MBTD1: variants seen among roughly 807,000 people sequenced by gnomAD.
The protein encoded by MBTD1 is MBT domain-containing protein 1.
Under a neutral mutation model 87.8 loss-of-function variants are expected in MBTD1, and 24 were observed. The observed-to-expected ratio is 0.27, with a 90% CI of 0.20 to 0.38. The LOEUF is 0.38. Ranked by LOEUF, MBTD1 falls within the 10% of genes least tolerant of loss-of-function variation. The pLI is 1.00. For missense variants in MBTD1, 436 were observed against 760.2 expected (o/e 0.57, Z 5.02); for synonymous variants, 237 against 248.6 (o/e 0.95, Z 0.44).
Position 51,223,844 on chromosome 17 carries a change from A to C in MBTD1, c.154+1164T>G, listed in dbSNP as rs183813174. Among the ~76,000 whole-genome samples the C allele has an allele frequency of 5.9e-5, 9 of 152,286 alleles. No homozygotes were observed. In the East Asian group the frequency reaches 1.7e-3, roughly 29 times the overall value. ...GAGTGAGACTGTCTCAACAACAACA[A>C]CAACAATTTCTAAGACTGAAAGTTA... On this transcript the variant is annotated intron_variant, in intron 3 of 16. Transcript: ENST00000586178.
intron 16 of MBTD1, chr17:51,185,589 G>C (rs1256734943): frequency 6.6e-6 from 1 of 152,070 alleles, no homozygotes; most frequent in African/African-American, 2.4e-5. Flanking sequence ...AATTAAACTA[G>C]AACTCAAAAC....
rs1231992129 is a variant in MBTD1, at chr17:51,213,057, G to T, written c.486+4277C>A. Among the ~76,000 whole-genome samples the T allele has an allele frequency of 3.3e-5, 5 of 151,298 alleles. No individual in the cohort carries two copies. The East Asian group carries it at 7.8e-4, about 24-fold the overall frequency. ...GAGCATATATTTTTATTTATTTTTT[G>T]AGACAGTGTCTCATTCTGTCACCTA... On this transcript the variant is annotated intron_variant, in intron 6 of 16. Coordinates refer to ENST00000586178, the MANE Select transcript of MBTD1 (RefSeq NM_017643.3).
At chr17:51,200,592 G>A (rs1334091742) in intron 12 of MBTD1, among the ~76,000 whole-genome samples, 3 of 147,120 alleles carry the variant, frequency 2.0e-5, no homozygotes, top group African/African-American at 5.1e-5. Context: ...TGCCACGTAC[G>A]GTGGCTCATG....
intron 2 of MBTD1, among the ~76,000 whole-genome samples, chr17:51,229,683 CAG>C (rs1230303553): frequency 7.4e-6 from 1 of 134,552 alleles, no homozygotes; most frequent in East Asian, 2.2e-4. Flanking sequence ...TTTTTTGAGA[CAG>C]AGTCTTGCTC....
In MBTD1 at chr17:51,192,882, T is replaced by C. The variant is rs1369339016; in HGVS notation, c.1590A>G (p.Glu530=). The change falls in exon 15 of 17, where the codon GAA becomes GAG. Residue 530 remains glutamate, a synonymous_variant. Transcript: ENST00000586178. ...RLLRIHFDGW[E]EEYDQWVDCE... is the part of the protein sequence containing the mutation. Reference sequence around the variant, plus strand: ...AGTCTACCCACTGATCATACTCTTCTTCCCATCCATCAAAATGTATCCTCA... The same window carrying C: ...AGTCTACCCACTGATCATACTCTTCCTCCCATCCATCAAAATGTATCCTCA... The C allele has an allele frequency of 1.2e-6, 2 of 1,614,190 alleles. No homozygotes were observed. Among genetic ancestry groups the C allele is most frequent in the Non-Finnish European group, 8.5e-7 (1 of 1,180,014 alleles).
In MBTD1 at chr17:51,249,344, A is replaced by G. The variant is rs114591659; in HGVS notation, c.-49+9799T>C. On this transcript the variant is annotated intron_variant, in intron 2 of 16. Coordinates refer to ENST00000586178, the MANE Select transcript of MBTD1 (RefSeq NM_017643.3). ...TCTTTTATATCCTTTTTTACCCACT[A>G]CATCTTGTGCTAAGTGTCAAAGTCC... 4.6e-3 allele frequency among the ~76,000 whole-genome samples: 706 copies of G among 152,196 alleles called. 7 individuals are homozygous for G. The highest frequency in any genetic ancestry group is 0.016 in the African/African-American group (679 of 41,524).
intron 2 of MBTD1, among the ~76,000 whole-genome samples, chr17:51,236,030 T>C (rs1364832556): frequency 6.6e-6 from 1 of 152,162 alleles, no homozygotes; most frequent in East Asian, 1.9e-4. Context: ...TGTATGTCTA[T>C]TTATGGGTAT....
intron 12 of MBTD1, among the ~76,000 whole-genome samples, chr17:51,198,360 T>C (rs2051261289): frequency 1.3e-5 from 2 of 152,212 alleles, no homozygotes; most frequent in Non-Finnish European, 2.9e-5. Context: ...GACCAAGTGT[T>C]TAAAGCCTGT....
At chr17:51,196,293 G>A (rs1209561347) in intron 12 of MBTD1, among the ~76,000 whole-genome samples, 1 of 149,592 alleles carries the variant, frequency 6.7e-6, no homozygotes, top group Non-Finnish European at 1.5e-5. Flanking sequence ...GGTCAATCTC[G>A]GCTCACTGCA....
chr17:51,230,474 A>G (rs553390753), intron 2 of MBTD1, among the ~76,000 whole-genome samples: 1 of 152,292 alleles, frequency 6.6e-6, no homozygotes, highest in South Asian at 2.1e-4. Context: ...GTTTTCAGGA[A>G]GACTGTAAGC....
At chr17:51,183,316 C>T (rs1317847587) in intron 16 of MBTD1, 1 of 152,020 alleles carries the variant, frequency 6.6e-6, no homozygotes, top group Non-Finnish European at 1.5e-5. Flanking sequence ...GATTTACAGG[C>T]GTGCACCACC....
At chr17:51,198,795 T>C (rs1425866727) in intron 12 of MBTD1, among the ~76,000 whole-genome samples, 1 of 151,910 alleles carries the variant, frequency 6.6e-6, no homozygotes, top group Non-Finnish European at 1.5e-5. Flanking sequence ...ATCATGGGAA[T>C]CCACGTGATT....
chr17:51,258,596 G>C (rs2055234919), intron 2 of MBTD1, among the ~76,000 whole-genome samples: 1 of 152,016 alleles, frequency 6.6e-6, no homozygotes, highest in South Asian at 2.1e-4. Context: ...ATACGGGTGT[G>C]GGCGGTAATC....
chr17:51,260,859 A>C (rs773030669), upstream of MBTD1: 2 of 1,601,724 alleles, frequency 1.2e-6, no homozygotes, highest in Non-Finnish European at 1.7e-6. Flanking sequence ...CGGTGCTTGG[A>C]GGAGCTGGTC....
chr17:51,198,843 C>T (rs926755879), intron 12 of MBTD1, among the ~76,000 whole-genome samples: 1 of 151,974 alleles, frequency 6.6e-6, no homozygotes, highest in African/African-American at 2.4e-5. Flanking sequence ...TCGCTCTATG[C>T]CTAGGCCGAA....
rs1233524305 is a variant in MBTD1 at position 51,180,494 on chromosome 17, G to A, written c.*82C>T. ...ATGTTTAGCAAAATGTCCCAGTAGA[G>A]TAGCCCCCTGTACAGCTGGATTGAT... On this transcript the variant is annotated 3_prime_UTR_variant, in exon 17 of 17. Coordinates refer to ENST00000586178, the MANE Select transcript of MBTD1 (RefSeq NM_017643.3). 1 of 559,812 alleles carries A rather than the reference G, an allele frequency of 1.8e-6. No homozygotes were observed. The highest frequency in any genetic ancestry group is 2.2e-5 in the African/African-American group (1 of 45,264). The allele number at this position is 559,812 out of a possible 1,614,324, so 34.7% of individuals were successfully genotyped here. A position where few individuals can be genotyped will look rare whatever the true frequency, so the allele number is the denominator to read the frequency against.
intron 12 of MBTD1, among the ~76,000 whole-genome samples, chr17:51,196,489 C>T (rs1035906346): frequency 3.9e-5 from 6 of 151,962 alleles, no homozygotes; most frequent in African/African-American, 1.5e-4. Context: ...CAGGCTGCCC[C>T]CCCTTTTTAA....
chr17:51,250,905 CTT>C (rs1463614883), intron 2 of MBTD1: 1 of 152,124 alleles, frequency 6.6e-6, no homozygotes, highest in Admixed American at 6.5e-5. Context: ...TTCTTCAAGA[CTT>C]TTTATTAAAT....
At chr17:51,184,066 T>C (rs1217435402) in intron 16 of MBTD1, 2 of 152,236 alleles carry the variant, frequency 1.3e-5, no homozygotes, top group Admixed American at 6.5e-5. Context: ...ATTATGCTTC[T>C]AGTCATGTTA....
Sources: gnomAD v4.1 joint callset for allele counts (sites outside exome capture counted in the v4.1 genomes callset) on GRCh38, gnomAD v4.1.1 for gene constraint, MANE v1.5 for transcripts, NCBI Gene and HGNC (gene_info 2026-07-23, HGNC 2026-07-21) for gene names.